Variants in KALRN observed in about 807,000 individuals in gnomAD.
KALRN encodes kalirin RhoGEF kinase, also known as kalirin.
In KALRN, 70 loss-of-function variants were observed where a neutral mutation model predicts 353.7. The observed-to-expected ratio is 0.20, with a 90% confidence interval of 0.16 to 0.24. KALRN has a LOEUF of 0.24. Ranked by LOEUF, KALRN falls within the 10% of genes least tolerant of loss-of-function variation. The probability of loss-of-function intolerance (pLI) is 1.00; values close to 1 mark genes in which losing one functional copy is unlikely to be tolerated. For missense variants in KALRN, 2,791 were observed against 3,756.7 expected, an observed-to-expected ratio of 0.74 and a Z score of 6.72; for synonymous variants, 1,391 against 1,434.8, an observed-to-expected ratio of 0.97 and a Z score of 0.69.
chr3:124,063,705 TA>T (rs2042141085), intron 1 of KALRN, among the ~76,000 whole-genome samples: 3 of 152,208 alleles, frequency 2.0e-5, no homozygotes, highest in African/African-American at 7.2e-5. Context: ...GTCAGCTACT[TA>T]ACATAATTCA....
chr3:124,703,901 C>A (rs1317115632), intron 57 of KALRN, among the ~76,000 whole-genome samples: 4 of 152,130 alleles, frequency 2.6e-5, no homozygotes, highest in Non-Finnish European at 5.9e-5. Context: ...AATTCCTGGG[C>A]TCAAGCAATC....
chr3:124,499,969 G>C (rs1293653143), intron 33 of KALRN, among the ~76,000 whole-genome samples: 1 of 151,914 alleles, frequency 6.6e-6, no homozygotes, highest in Non-Finnish European at 1.5e-5. Flanking sequence ...ACATAAAATG[G>C]GTCCTATAAA....
intron 1 of KALRN, among the ~76,000 whole-genome samples, chr3:124,213,616 A>G (rs1219061919): frequency 6.6e-6 from 1 of 152,178 alleles, no homozygotes; most frequent in African/African-American, 2.4e-5. Flanking sequence ...GATATCCACT[A>G]TAATGTTTAG....
chr3:124,560,044 T>C (rs1023098866), intron 33 of KALRN, among the ~76,000 whole-genome samples: 1 of 152,226 alleles, frequency 6.6e-6, no homozygotes, highest in Non-Finnish European at 1.5e-5. Flanking sequence ...GTGGCGTATC[T>C]AGGCTTCTCG....
At chr3:124,103,433 T>A (rs993731154) in intron 1 of KALRN, among the ~76,000 whole-genome samples, 1 of 152,178 alleles carries the variant, frequency 6.6e-6, no homozygotes, top group African/African-American at 2.4e-5. Flanking sequence ...CCCTGGATAT[T>A]CAGAAGGCTA....
At chr3:124,527,782 T>C (rs920635463) in intron 33 of KALRN, among the ~76,000 whole-genome samples, 1 of 151,982 alleles carries the variant, frequency 6.6e-6, no homozygotes, top group African/African-American at 2.4e-5. Flanking sequence ...CCCCCATCCT[T>C]TACCAGCAGT....
chr3:124,414,881 A>G (rs945367135), intron 14 of KALRN, among the ~76,000 whole-genome samples: 13 of 152,352 alleles, frequency 8.5e-5, no homozygotes, highest in African/African-American at 3.1e-4. Context: ...CCTGAAGGAT[A>G]TGGAAATCCT....
intron 1 of KALRN, among the ~76,000 whole-genome samples, chr3:124,136,180 T>G (rs1223603085): frequency 6.6e-6 from 1 of 150,870 alleles, no homozygotes; most frequent in South Asian, 2.1e-4. Context: ...GGCTAAGAAC[T>G]GATAGTTTAG....
intron 33 of KALRN, among the ~76,000 whole-genome samples, chr3:124,547,594 A>C (rs1337879582): frequency 3.9e-5 from 6 of 152,210 alleles, no homozygotes; most frequent in South Asian, 2.1e-4. Flanking sequence ...GGCATGAGCC[A>C]CCATGCCCAA....
intron 9 of KALRN, among the ~76,000 whole-genome samples, chr3:124,342,029 G>A (rs1374505224): frequency 6.6e-6 from 1 of 152,114 alleles, no homozygotes; most frequent in Non-Finnish European, 1.5e-5. Flanking sequence ...GGGGTTAAGA[G>A]GGGGTAGGGC....
chr3:124,480,039 C>T (rs574741796), intron 27 of KALRN, among the ~76,000 whole-genome samples: 15 of 152,288 alleles, frequency 9.8e-5, no homozygotes, highest in African/African-American at 3.6e-4. Context: ...GAATGTTTGA[C>T]CCATCACACA....
Position 124,492,725 on chromosome 3 carries a change from C to A in KALRN, c.4690-15C>A. 6.2e-6 allele frequency: 10 copies of A among 1,612,696 alleles called. No individual in the cohort carries two copies. Among genetic ancestry groups the A allele is most frequent in the Non-Finnish European group, 7.6e-6 (9 of 1,179,106 alleles). On this transcript the variant is annotated splice_polypyrimidine_tract_variant and intron_variant, in intron 31 of 59. Coordinates refer to ENST00000682506, the MANE Select transcript of KALRN (RefSeq NM_001388419.1). ...GGAGTTGGGGTTCTCAGTCTTTCTC[C>A]CTGTGGCACTCTAGGCCTCCAACAT...
chr3:124,414,229 G>A (rs115685558), intron 14 of KALRN, among the ~76,000 whole-genome samples: 230 of 152,302 alleles, frequency 1.5e-3, no homozygotes, highest in Non-Finnish European at 2.6e-3. Flanking sequence ...ATCAATGATG[G>A]CAATCAGCAC....
At chr3:124,117,264 C>T (rs1024264561) in intron 1 of KALRN, among the ~76,000 whole-genome samples, 2 of 151,328 alleles carry the variant, frequency 1.3e-5, no homozygotes, top group African/African-American at 4.9e-5. Context: ...TGTTGACCTG[C>T]TGCCCTGAGC....
intron 10 of KALRN, among the ~76,000 whole-genome samples, chr3:124,354,410 G>T (rs6438841): frequency 6.6e-6 from 1 of 151,908 alleles, no homozygotes; most frequent in East Asian, 1.9e-4. Flanking sequence ...GGCAAGGGAT[G>T]GAGTGCATCT....
At chr3:124,700,068 T>C in intron 56 of KALRN, 35 bp downstream of exon 56, 2 of 1,608,514 alleles carry the variant, frequency 1.2e-6, no homozygotes, top group Non-Finnish European at 1.7e-6. Flanking sequence ...CCCCAGGCAG[T>C]GGGATTGAGG....
intron 23 of KALRN, among the ~76,000 whole-genome samples, chr3:124,458,600 A>G (rs2059562470): frequency 6.6e-6 from 1 of 152,186 alleles, no homozygotes; most frequent in Non-Finnish European, 1.5e-5. Context: ...GGATCAAGGG[A>G]CTAGCAGAAA....
chr3:124,431,667 T>C (rs1052575112), intron 16 of KALRN, among the ~76,000 whole-genome samples: 1 of 152,210 alleles, frequency 6.6e-6, no homozygotes, highest in Non-Finnish European at 1.5e-5. Flanking sequence ...TCTGAGCGTG[T>C]AAGAAATGCA....
At chr3:124,216,553 A>G (rs183695702) in intron 1 of KALRN, among the ~76,000 whole-genome samples, 1 of 152,342 alleles carries the variant, frequency 6.6e-6, no homozygotes, top group Admixed American at 6.5e-5. Context: ...GGCAGGGTTT[A>G]TAGGCCTGCT....
Sources: gnomAD v4.1 joint callset for allele counts (sites outside exome capture counted in the v4.1 genomes callset) on GRCh38, gnomAD v4.1.1 for gene constraint, MANE v1.5 for transcripts, NCBI Gene and HGNC (gene_info 2026-07-23, HGNC 2026-07-21) for gene names.